The following PTPN14 variants were observed in gnomAD, a reference collection of about 807,000 sequenced individuals.
The protein encoded by PTPN14 is tyrosine-protein phosphatase non-receptor type 14.
A neutral mutation model predicts 126.8 loss-of-function variants in PTPN14; 53 were observed. The ratio of observed to expected loss-of-function variants is 0.42; its 90% CI spans 0.34 to 0.53. The LOEUF (loss-of-function observed/expected upper bound fraction) is 0.53. PTPN14 is among the 20% of genes least tolerant of loss of function. The probability of loss-of-function intolerance (pLI) is 0.08; values close to 1 mark genes in which losing one functional copy is unlikely to be tolerated. For missense variants in PTPN14, 1,257 were observed against 1,552.9 expected (o/e 0.81, Z 3.20); for synonymous variants, 630 against 599.3 (o/e 1.05, Z -0.75).
intron 1 of PTPN14, among the ~76,000 whole-genome samples, chr1:214,504,826 G>A (rs532999126): frequency 1.3e-5 from 2 of 151,984 alleles, no homozygotes; most frequent in African/African-American, 2.4e-5. Context: ...CAGACAAGTA[G>A]GACTGGCTTG....
At chr1:214,529,887 T>C (rs1426873915) in intron 1 of PTPN14, 1 of 151,916 alleles carries the variant, frequency 6.6e-6, no homozygotes, top group Non-Finnish European at 1.5e-5. Flanking sequence ...CAAAAAAATA[T>C]ATATATATAT....
chr1:214,371,535 T>C (rs776371327), intron 16 of PTPN14, among the ~76,000 whole-genome samples: 8 of 152,168 alleles, frequency 5.3e-5, no homozygotes, highest in Non-Finnish European at 1.0e-4. Context: ...TCTGCACTGA[T>C]TTTATCTGTT....
chr1:214,480,677 G>A (rs1571609923), intron 1 of PTPN14, among the ~76,000 whole-genome samples: 1 of 152,152 alleles, frequency 6.6e-6, no homozygotes, highest in Non-Finnish European at 1.5e-5. Flanking sequence ...GCAGATCTAA[G>A]GATAGCTTTT....
rs940305236 is a variant in PTPN14, at chr1:214,356,304, G to A, written c.*1618C>T. On this transcript the variant is annotated 3_prime_UTR_variant, in exon 19 of 19. Transcript: ENST00000366956. ...ACGTTTGTTCTTTGAACTGACCACT[G>A]TGGGCATTCCATGCCTTCCTCCACT... 5 of 152,104 alleles carry A rather than the reference G, an allele frequency of 3.3e-5. No homozygotes were observed. Among genetic ancestry groups the A allele is most frequent in the Non-Finnish European group, 7.3e-5 (5 of 68,036 alleles). The allele number at this position is 152,104 out of a possible 1,614,324, so 9.4% of individuals were successfully genotyped here.
intron 1 of PTPN14, among the ~76,000 whole-genome samples, chr1:214,509,889 C>A (rs776100817): frequency 6.6e-6 from 1 of 152,192 alleles, no homozygotes; most frequent in Admixed American, 6.5e-5. Context: ...ATTGCAAGGA[C>A]AGAAAACCAA....
At chr1:214,496,630 C>T (rs888862658) in intron 1 of PTPN14, among the ~76,000 whole-genome samples, 11 of 152,270 alleles carry the variant, frequency 7.2e-5, no homozygotes, top group African/African-American at 2.6e-4. Context: ...TTAAACACTC[C>T]TTACCCCCTA....
chr1:214,535,264 A>G (rs562079568), intron 1 of PTPN14, among the ~76,000 whole-genome samples: 1 of 152,314 alleles, frequency 6.6e-6, no homozygotes, highest in South Asian at 2.1e-4. Context: ...ATATTTTTCA[A>G]CAATTCTGTA....
rs1657806005 is a variant in PTPN14, at chr1:214,355,840, A to T, written c.*2082T>A. On this transcript the variant is annotated 3_prime_UTR_variant, in exon 19 of 19. Transcript: ENST00000366956. Reference sequence around the variant, plus strand: ...ACTCCATCTTTTTAGCTCACGGGGGACAAAAGCAGCAATGAAGAAAGGCAT... The same window carrying T: ...ACTCCATCTTTTTAGCTCACGGGGGTCAAAAGCAGCAATGAAGAAAGGCAT... 6.6e-6 allele frequency: 1 copy of T among 152,118 alleles called. No homozygotes were observed. Among genetic ancestry groups the T allele is most frequent in the South Asian group, 2.1e-4 (1 of 4,822 alleles). The allele number at this position is 152,118 out of a possible 1,614,324, so 9.4% of individuals were successfully genotyped here.
At chr1:214,533,305 G>A in intron 1 of PTPN14, 3 of 577,108 alleles carry the variant, frequency 5.2e-6, no homozygotes, top group Non-Finnish European at 9.7e-6. Flanking sequence ...GGAGGCTAGG[G>A]TCACCACCTA....
Position 214,536,962 on chromosome 1 carries a change from T to C in PTPN14, c.-155+14221A>G, listed in dbSNP as rs955702453. 3.9e-5 allele frequency among the ~76,000 whole-genome samples: 6 copies of C among 152,198 alleles called. No homozygotes were observed. The East Asian group carries it at 7.7e-4, about 20-fold the overall frequency. On this transcript the variant is annotated intron_variant, in intron 1 of 18. Transcript: ENST00000366956. Reference sequence around the variant, plus strand: ...AGTTTATACCAATTTTTTAAACATGTTGGTACACTGAGAGAAAAAATGTCT... The same window carrying C: ...AGTTTATACCAATTTTTTAAACATGCTGGTACACTGAGAGAAAAAATGTCT...
rs1231768356 is a variant in PTPN14, at chr1:214,451,929, G to A, written c.220C>T (p.Arg74Ter). The A allele has an allele frequency of 3.7e-6, 6 of 1,614,162 alleles. No homozygotes were observed. Among genetic ancestry groups the A allele is most frequent in the Non-Finnish European group, 5.1e-6 (6 of 1,180,020 alleles). Residue 74 changes from arginine to a stop codon, truncating the protein, a stop_gained, in exon 3 of 19, where the codon CGA becomes TGA. Coordinates refer to ENST00000366956, the MANE Select transcript of PTPN14 (RefSeq NM_005401.5). LOFTEE classifies it high-confidence loss of function. ...AGAGGTTTCTCCAGCTCCACCCATC[G>A]TGCTTGCTGGCTCTTGCTGAGAAAC... ...LWFLSKSQQA[R>*]WVELEKPLKK...
At chr1:214,510,930 T>G (rs150635285) in intron 1 of PTPN14, among the ~76,000 whole-genome samples, 1 of 152,284 alleles carries the variant, frequency 6.6e-6, no homozygotes, top group East Asian at 1.9e-4. Flanking sequence ...TAGGCTGAAG[T>G]GCAGTGGCAC....
At chr1:214,530,394 A>C (rs1655514180) in intron 1 of PTPN14, 1 of 138,426 alleles carries the variant, frequency 7.2e-6, no homozygotes, top group Non-Finnish European at 1.5e-5. Flanking sequence ...GCTGGTGTGC[A>C]TCAGTGGTAG....
Position 214,411,687 on chromosome 1 carries a change from A to G in PTPN14, c.507T>C (p.Pro169=). 1 of 1,488,154 alleles carries G rather than the reference A, an allele frequency of 6.7e-7. No individual in the cohort carries two copies. The allele number at this position is 1,488,154 out of a possible 1,614,324, so 92.2% of individuals were successfully genotyped here. The change falls in exon 5 of 19, where the codon CCT becomes CCC. Residue 169 remains proline (P), a synonymous_variant. Transcript: ENST00000366956. ...AGAAAAATGAAATTACACTTACCATAGGAAATAGCACATACTCTCTGAGGA... is the reference window on the plus strand; with the variant it reads ...AGAAAAATGAAATTACACTTACCATGGGAAATAGCACATACTCTCTGAGGA... The part of the protein sequence containing the change: ...QDFLREYVLF[P]MDLALEEAVL...
chr1:214,455,761 C>T (rs1660367792), intron 2 of PTPN14, among the ~76,000 whole-genome samples: 1 of 152,182 alleles, frequency 6.6e-6, no homozygotes, highest in Non-Finnish European at 1.5e-5. Context: ...AGGAAACATA[C>T]ATTTAAGCAT....
rs1354475761 is a variant in PTPN14, at chr1:214,351,116, G to A, written c.*6806C>T. 1.3e-5 allele frequency: 2 copies of A among 151,884 alleles called. No individual in the cohort carries two copies. The highest frequency in any genetic ancestry group is 6.6e-5 in the Admixed American group (1 of 15,258). The allele number at this position is 151,884 out of a possible 1,614,324, so 9.4% of individuals were successfully genotyped here. The stretch of plus-strand genomic sequence containing the variant: ...TAATCCCAGCACTTTGGGAGGCCGA[G>A]GGGGGTCATCACGAGGTCAGAGGTT... On this transcript the variant is annotated 3_prime_UTR_variant, in exon 19 of 19. Coordinates refer to ENST00000366956, the MANE Select transcript of PTPN14 (RefSeq NM_005401.5).
At chr1:214,417,505 T>G (rs1018576389) in intron 3 of PTPN14, among the ~76,000 whole-genome samples, 2 of 152,142 alleles carry the variant, frequency 1.3e-5, no homozygotes, top group Non-Finnish European at 2.9e-5. Flanking sequence ...AATGCCCTGT[T>G]GGGTCAAATC....
chr1:214,384,121 G>A lies in PTPN14; in HGVS notation c.1734C>T (p.Ser578=). 1 of 1,574,572 alleles carries A rather than the reference G, an allele frequency of 6.4e-7. No individual in the cohort carries two copies. Among genetic ancestry groups the A allele is most frequent in the Non-Finnish European group, 8.6e-7 (1 of 1,163,114 alleles). The stretch of plus-strand genomic sequence containing the variant: ...GGCGGTGGCTGGCCAGGTCTGGGGT[G>A]CTGGTGGCAGGTCGTGGCCGTGGGT... ...PPYPRPRPAT[S]TPDLASHRHK... The change falls in exon 13 of 19, where the codon AGC becomes AGT. Residue 578 remains serine, a synonymous_variant. Coordinates refer to ENST00000366956, the MANE Select transcript of PTPN14 (RefSeq NM_005401.5). This position sits in a 1 kb window ranked among gnomAD's most constrained non-coding sequence, Gnocchi z 5.3.
chr1:214,550,785 C>T (rs909090947), intron 1 of PTPN14, among the ~76,000 whole-genome samples: 1 of 152,192 alleles, frequency 6.6e-6, no homozygotes, highest in Non-Finnish European at 1.5e-5. Context: ...CATCCCCCTA[C>T]CGCTGCAGCG....
Sources: gnomAD v4.1 joint callset for allele counts (sites outside exome capture counted in the v4.1 genomes callset) on GRCh38, gnomAD v4.1.1 for gene constraint, Gnocchi (gnomAD v3.1) non-coding constraint, MANE v1.5 for transcripts, NCBI Gene and HGNC (gene_info 2026-07-23, HGNC 2026-07-21) for gene names.